NYAP2: variants seen among roughly 807,000 people sequenced by gnomAD.
NYAP2 encodes the protein neuronal tyrosine-phosphorylated phosphoinositide-3-kinase adaptor 2, also known as neuronal tyrosine-phosphorylated phosphoinositide-3-kinase adapter 2.
In NYAP2, 23 loss-of-function variants were observed where a neutral mutation model predicts 50.4. That is an observed-to-expected ratio of 0.46 (90% CI 0.33 to 0.65). NYAP2 has a LOEUF of 0.65. NYAP2 is among the 30% of genes least tolerant of loss of function. The probability of loss-of-function intolerance (pLI) is 0.02; values close to 1 mark genes in which losing one functional copy is unlikely to be tolerated. For synonymous variants in NYAP2, 394 were observed against 365.2 expected (o/e 1.08, Z -0.90); for missense variants, 885 against 861.0 (o/e 1.03, Z -0.35).
chr2:225,545,750 G>A (rs891919928), intron 4 of NYAP2, among the ~76,000 whole-genome samples: 3 of 151,998 alleles, frequency 2.0e-5, no homozygotes, highest in South Asian at 4.1e-4. Flanking sequence ...TTCTCCTGTC[G>A]ATATCTGTTG....
chr2:225,518,567 T>TATATATATATATATATAA lies in NYAP2; in HGVS notation c.523+4897_523+4898insATATATATATATATAAAT, dbSNP rs1203016686. Among the ~76,000 whole-genome samples, 3 of 25,524 alleles carry TATATATATATATATATAA rather than the reference T, an allele frequency of 1.2e-4. 1 individual carries two copies. Among genetic ancestry groups the TATATATATATATATATAA allele is most frequent in the Non-Finnish European group, 2.8e-4 (3 of 10,838 alleles). 16.7% of individuals were successfully genotyped at this position (25,524 alleles called of 152,430 possible). A position where few individuals can be genotyped will look rare whatever the true frequency, so the allele number is the denominator to read the frequency against. ...ATATATATATATATATATATATATA[T>TATATATATATATATATAA]ATTAGCGTGTGCGCTTATATATATA... On this transcript the variant is annotated intron_variant, in intron 4 of 6. Coordinates refer to ENST00000636099, the Ensembl canonical transcript of NYAP2.
intron 3 of NYAP2, among the ~76,000 whole-genome samples, chr2:225,473,266 C>T (rs1690042721): frequency 1.3e-5 from 2 of 152,128 alleles, no homozygotes; most frequent in Admixed American, 1.3e-4. Context: ...CCACAATAAA[C>T]ATACGTGTGC....
chr2:225,404,389 T>C lies in NYAP2; in HGVS notation c.-18+3346T>C, dbSNP rs377064755. On this transcript the variant is annotated intron_variant, in intron 2 of 6. Coordinates refer to ENST00000636099, the Ensembl canonical transcript of NYAP2. ...ATTTTGACATAGCAGACTTAGCTTA[T>C]GCTCCACATGTGTATATAATGGGTA... 3.9e-5 allele frequency among the ~76,000 whole-genome samples: 6 copies of C among 152,020 alleles called. No individual in the cohort carries two copies. In the East Asian group the frequency reaches 1.2e-3, roughly 29 times the overall value.
chr2:225,604,216 T>TA, intron 5 of NYAP2, among the ~76,000 whole-genome samples: 1 of 152,144 alleles, frequency 6.6e-6, no homozygotes, highest in African/African-American at 2.4e-5. Context: ...ACACCTAACC[T>TA]AAAAAAAGCT....
intron 4 of NYAP2, among the ~76,000 whole-genome samples, chr2:225,542,697 T>A (rs1691498243): frequency 6.6e-6 from 1 of 152,196 alleles, no homozygotes. Flanking sequence ...GATTTTTGCA[T>A]CAATATTCAT....
intron 4 of NYAP2, among the ~76,000 whole-genome samples, chr2:225,534,363 C>T (rs1691310514): frequency 6.6e-6 from 1 of 152,184 alleles, no homozygotes; most frequent in South Asian, 2.1e-4. Flanking sequence ...GCTTGGAATC[C>T]ATATGATTGT....
intron 4 of NYAP2, among the ~76,000 whole-genome samples, chr2:225,571,598 A>C (rs546323619): frequency 4.6e-5 from 7 of 152,338 alleles, no homozygotes; most frequent in African/African-American, 1.2e-4. Context: ...GAGCTGAAGC[A>C]GATGGGATGC....
intron 3 of NYAP2, among the ~76,000 whole-genome samples, chr2:225,512,854 TTCCTTCCTTC>T (rs1690853098): frequency 1.3e-5 from 1 of 74,432 alleles, no homozygotes; most frequent in Non-Finnish European, 3.4e-5. Flanking sequence ...TCTTTCTTTC[TTCCTTCCTTC>T]CTTCCTTCCT....
At chr2:225,580,832 T>C (rs1465473942) in intron 4 of NYAP2, among the ~76,000 whole-genome samples, 1 of 152,194 alleles carries the variant, frequency 6.6e-6, no homozygotes, top group Non-Finnish European at 1.5e-5. Context: ...CTTTAGCTTG[T>C]TAGCTCCTCA....
At chr2:225,498,205 A>G (rs527308214) in intron 3 of NYAP2, among the ~76,000 whole-genome samples, 2 of 152,230 alleles carry the variant, frequency 1.3e-5, no homozygotes, top group African/African-American at 4.8e-5. Context: ...TTATCTTCAC[A>G]AATTGTATAA....
intron 4 of NYAP2, among the ~76,000 whole-genome samples, chr2:225,542,235 C>T (rs963419796): frequency 6.6e-6 from 1 of 152,050 alleles, no homozygotes; most frequent in African/African-American, 2.4e-5. Flanking sequence ...TGAATTTCTT[C>T]CTTTCCAGTT....
chr2:225,632,130 A>G (rs892512375), intron 6 of NYAP2, among the ~76,000 whole-genome samples: 8 of 152,174 alleles, frequency 5.3e-5, no homozygotes, highest in African/African-American at 1.9e-4. Flanking sequence ...CAAACCATGC[A>G]CTACTTGAAT....
chr2:225,532,321 G>A (rs550816616), intron 4 of NYAP2, among the ~76,000 whole-genome samples: 2 of 152,286 alleles, frequency 1.3e-5, no homozygotes, highest in South Asian at 2.1e-4. Flanking sequence ...CTTCAGTGAA[G>A]CATAGACTTA....
rs61423819 is a variant in NYAP2, at chr2:225,593,346, C to A, written c.1618+10311C>A. ...TAAAACTGAGTCCCTTCTGGCTTGG[C>A]TTCTTGTGTGGGGCTTCTGCAGATT... On this transcript the variant is annotated intron_variant, in intron 5 of 6. Coordinates refer to ENST00000636099, the Ensembl canonical transcript of NYAP2. 1.3e-4 allele frequency among the ~76,000 whole-genome samples: 20 copies of A among 152,294 alleles called. No homozygotes were observed. The East Asian group carries it at 3.7e-3, about 28-fold the overall frequency.
the NYAP2 span, among the ~76,000 whole-genome samples, chr2:225,696,897 C>T: frequency 6.6e-6 from 1 of 151,846 alleles, no homozygotes; most frequent in Non-Finnish European, 1.5e-5. Flanking sequence ...AACTTCAGGG[C>T]ATTTTGATGA....
chr2:225,567,768 A>G (rs1464066285), intron 4 of NYAP2, among the ~76,000 whole-genome samples: 1 of 152,164 alleles, frequency 6.6e-6, no homozygotes, highest in Admixed American at 6.6e-5. Flanking sequence ...ACACATATCT[A>G]ATAAGTGTGT....
intron 6 of NYAP2, among the ~76,000 whole-genome samples, chr2:225,633,132 G>A (rs1227514531): frequency 6.6e-6 from 1 of 152,178 alleles, no homozygotes; most frequent in Non-Finnish European, 1.5e-5. Context: ...AAAAGGTGAA[G>A]AGACACACCT....
At chr2:225,546,216 G>A (rs1467250394) in intron 4 of NYAP2, among the ~76,000 whole-genome samples, 2 of 152,176 alleles carry the variant, frequency 1.3e-5, no homozygotes, top group African/African-American at 4.8e-5. Context: ...AGACTCTAAA[G>A]CTCTACAATC....
rs186023640 is a variant in NYAP2 at position 225,523,910 on chromosome 2, A to G, written c.523+10238A>G. 1.1e-4 allele frequency among the ~76,000 whole-genome samples: 17 copies of G among 152,286 alleles called. No homozygotes were observed. In the East Asian group the frequency reaches 2.9e-3, roughly 26 times the overall value. On this transcript the variant is annotated intron_variant, in intron 4 of 6. Transcript: ENST00000636099. ...AACCCAGAAATAAAGCCACCTACCT[A>G]TAACTAACTGATCTTTGACAAAGTT...
Sources: gnomAD v4.1 joint callset for allele counts (sites outside exome capture counted in the v4.1 genomes callset) on GRCh38, gnomAD v4.1.1 for gene constraint, MANE v1.5 for transcripts, NCBI Gene and HGNC (gene_info 2026-07-23, HGNC 2026-07-21) for gene names.